RBPJ: variants seen among roughly 807,000 people sequenced by gnomAD.
RBPJ encodes recombining binding protein suppressor of hairless.
Under a neutral mutation model 67.8 loss-of-function variants are expected in RBPJ, and 9 were observed. The observed-to-expected ratio is 0.13, with a 90% CI of 0.08 to 0.23. The LOEUF is 0.23. Ranked by LOEUF, RBPJ falls within the 10% of genes least tolerant of loss-of-function variation. RBPJ has a pLI of 1.00. For synonymous variants in RBPJ, 198 were observed against 203.3 expected (o/e 0.97, Z 0.22); for missense variants, 305 against 595.6 (o/e 0.51, Z 5.08).
chr4:26,161,782 A>G (rs1716084873), upstream of RBPJ, among the ~76,000 whole-genome samples: 1 of 152,204 alleles, frequency 6.6e-6, no homozygotes, highest in African/African-American at 2.4e-5. Flanking sequence ...TGGCTGCATT[A>G]TAAGAGCCTT....
Position 26,288,351 on chromosome 4 carries a change from C to G in RBPJ, c.-166-74095C>G, listed in dbSNP as rs78980466. Among the ~76,000 whole-genome samples, 754 of 152,306 alleles carry G rather than the reference C, an allele frequency of 5.0e-3. 4 individuals are homozygous for G. The highest frequency in any genetic ancestry group is 0.017 in the African/African-American group (716 of 41,570). On this transcript the variant is annotated intron_variant, in intron 1 of 4. Coordinates refer to the RBPJ transcript ENST00000512351. Reference sequence around the variant, plus strand: ...GTTTCCAAGGTGGCGCTCTCATGGCCGATGGCAGAGTCTTCAGTTGCTTAT... The same window carrying G: ...GTTTCCAAGGTGGCGCTCTCATGGCGGATGGCAGAGTCTTCAGTTGCTTAT...
the RBPJ span, among the ~76,000 whole-genome samples, chr4:26,135,581 G>C: frequency 6.6e-6 from 1 of 151,968 alleles, no homozygotes; most frequent in Non-Finnish European, 1.5e-5. Flanking sequence ...CTTGACCTTA[G>C]GCCTGAGGCT....
intron 1 of RBPJ, among the ~76,000 whole-genome samples, chr4:26,332,008 C>G (rs535204081): frequency 6.6e-6 from 1 of 152,286 alleles, no homozygotes; most frequent in South Asian, 2.1e-4. Context: ...TATGCCAAGG[C>G]AATATTATTC....
intron 1 of RBPJ, among the ~76,000 whole-genome samples, chr4:26,210,442 G>A (rs1189052572): frequency 1.3e-5 from 2 of 152,130 alleles, no homozygotes; most frequent in Non-Finnish European, 2.9e-5. Context: ...GAGCAGCAGA[G>A]GGCAATCGCA....
chr4:26,315,440 A>G (rs1360411032), upstream of RBPJ, among the ~76,000 whole-genome samples: 1 of 151,920 alleles, frequency 6.6e-6, no homozygotes, highest in African/African-American at 2.4e-5. Flanking sequence ...ACGAACAGGG[A>G]GTAGTTCACA....
intron 1 of RBPJ, among the ~76,000 whole-genome samples, chr4:26,337,260 C>T (rs761097628): frequency 9.9e-5 from 15 of 152,098 alleles, no homozygotes; most frequent in South Asian, 2.1e-4. Flanking sequence ...CGTGAGCCAC[C>T]GCACCCAGCC....
intron 1 of RBPJ, among the ~76,000 whole-genome samples, chr4:26,364,047 A>G (rs1274447549): frequency 6.6e-6 from 1 of 152,210 alleles, no homozygotes; most frequent in Non-Finnish European, 1.5e-5. Flanking sequence ...TGCTGAATTC[A>G]TTAATGTTAC....
chr4:26,128,897 C>T, the RBPJ span, among the ~76,000 whole-genome samples: 1 of 152,210 alleles, frequency 6.6e-6, no homozygotes, highest in Admixed American at 6.5e-5. Flanking sequence ...CATTTTCTCT[C>T]TTGTCTGCCG....
rs574055339 is a variant in RBPJ at position 26,386,342 on chromosome 4, T to A, written c.21-11T>A. ...TACTTAACTTTATTTTCTTTATTTT[T>A]TTTTTTCCAGGAAATTTGGTGAGCG... On this transcript the variant is annotated splice_polypyrimidine_tract_variant and intron_variant, in intron 1 of 10. Coordinates refer to ENST00000355476, the MANE Select transcript of RBPJ (RefSeq NM_015874.6). 33 of 1,593,290 alleles carry A rather than the reference T, an allele frequency of 2.1e-5. No homozygotes were observed. In the East Asian group the frequency reaches 4.5e-4, roughly 22 times the overall value.
intron 1 of RBPJ, among the ~76,000 whole-genome samples, chr4:26,294,408 A>G (rs1418864652): frequency 1.3e-5 from 2 of 152,072 alleles, no homozygotes; most frequent in African/African-American, 2.4e-5. Context: ...GGAAGTTTTA[A>G]ATTTAGGAGT....
At chr4:26,109,596 TATAC>T in the RBPJ span, among the ~76,000 whole-genome samples, 2 of 79,682 alleles carry the variant, frequency 2.5e-5, no homozygotes, top group Non-Finnish European at 5.3e-5. Flanking sequence ...TATATATATA[TATAC>T]AGCCACTGTG....
rs1383591250 is a variant in RBPJ at position 26,433,286 on chromosome 4, T to C, written c.*2279T>C. 2.0e-5 allele frequency: 3 copies of C among 152,228 alleles called. No individual in the cohort carries two copies. The highest frequency in any genetic ancestry group is 2.0e-4 in the Admixed American group (3 of 15,282). The allele number at this position is 152,228 out of a possible 1,614,324, so 9.4% of individuals were successfully genotyped here. A position where few individuals can be genotyped will look rare whatever the true frequency, so the allele number is the denominator to read the frequency against. On this transcript the variant is annotated 3_prime_UTR_variant, in exon 11 of 11. Coordinates refer to ENST00000355476, the MANE Select transcript of RBPJ (RefSeq NM_015874.6). ...GTAGTTATTCCTCTCTATGGAGTCA[T>C]GGCAGGAATCATTACACAGTGCTTT...
At chr4:26,143,306 C>T in the RBPJ span, among the ~76,000 whole-genome samples, 1 of 152,178 alleles carries the variant, frequency 6.6e-6, no homozygotes, top group Non-Finnish European at 1.5e-5. Flanking sequence ...AATTTATTCC[C>T]AACACAGCAG....
chr4:26,106,477 G>C, the RBPJ span, among the ~76,000 whole-genome samples: 1 of 152,144 alleles, frequency 6.6e-6, no homozygotes, highest in Non-Finnish European at 1.5e-5. Flanking sequence ...CAAATAGCAG[G>C]GACTTCCTTA....
At chr4:26,425,950 T>C (rs1735615911) in intron 7 of RBPJ, among the ~76,000 whole-genome samples, 1 of 151,920 alleles carries the variant, frequency 6.6e-6, no homozygotes, top group South Asian at 2.1e-4. Context: ...TTCATTTCTT[T>C]GTTACTGTTT....
At chr4:26,169,747 T>C (rs542542642) in intron 1 of RBPJ, among the ~76,000 whole-genome samples, 3 of 150,102 alleles carry the variant, frequency 2.0e-5, no homozygotes, top group Middle Eastern at 3.5e-3. Context: ...CTTCCCGGCT[T>C]TTTTGTTTAC....
the RBPJ span, among the ~76,000 whole-genome samples, chr4:26,120,444 G>C: frequency 1.3e-5 from 2 of 152,164 alleles, no homozygotes; most frequent in East Asian, 3.9e-4. Context: ...TCGTTCTCTC[G>C]GTACCTCTAT....
At chr4:26,156,418 T>TC in the RBPJ span, among the ~76,000 whole-genome samples, 5 of 140,392 alleles carry the variant, frequency 3.6e-5, no homozygotes, top group Non-Finnish European at 7.8e-5. Context: ...TTCTTTCTTT[T>TC]TTTTTTTTTT....
chr4:26,159,550 A>C (rs1393434968), upstream of RBPJ, among the ~76,000 whole-genome samples: 1 of 152,246 alleles, frequency 6.6e-6, no homozygotes, highest in African/African-American at 2.4e-5. Context: ...TGTGTATATC[A>C]ATAAGTTTTA....
Sources: allele counts gnomAD v4.1 joint callset (sites outside exome capture counted in the v4.1 genomes callset), GRCh38; gene constraint gnomAD v4.1.1; transcripts MANE v1.5; gene names NCBI Gene and HGNC (gene_info 2026-07-23, HGNC 2026-07-21).